CDH18: variants seen among roughly 807,000 people sequenced by gnomAD.
CDH18 encodes cadherin-18.
Under a neutral mutation model 67.9 loss-of-function variants are expected in CDH18, and 31 were observed. That is an observed-to-expected ratio of 0.46 (90% CI 0.34 to 0.62). The LOEUF (loss-of-function observed/expected upper bound fraction) is 0.62, where lower values mean the gene tolerates loss of function less well. Among genes scored for constraint, CDH18 ranks in the 20% least tolerant of loss-of-function variants. The probability of loss-of-function intolerance (pLI) is 0.01; values close to 1 mark genes in which losing one functional copy is unlikely to be tolerated. For synonymous variants in CDH18, 362 were observed against 347.2 expected, an observed-to-expected ratio of 1.04 and a Z score of -0.48; for missense variants, 890 against 975.5, an observed-to-expected ratio of 0.91 and a Z score of 1.17.
intron 2 of CDH18, among the ~76,000 whole-genome samples, chr5:19,915,476 T>C (rs772461217): frequency 5.5e-4 from 83 of 152,238 alleles, no homozygotes; most frequent in Non-Finnish European, 1.1e-3. Flanking sequence ...ATTTAACCAG[T>C]AAAATAAACA....
chr5:20,217,367 A>C (rs1740864406), intron 2 of CDH18, among the ~76,000 whole-genome samples: 1 of 151,926 alleles, frequency 6.6e-6, no homozygotes, highest in East Asian at 1.9e-4. Flanking sequence ...TAAAAGGGAA[A>C]AAGCAGAGGT....
At chr5:19,486,143 G>A (rs1740363257) in intron 11 of CDH18, among the ~76,000 whole-genome samples, 1 of 151,956 alleles carries the variant, frequency 6.6e-6, no homozygotes. Context: ...GAAAGGCTTA[G>A]CACAGCAGAA....
intron 1 of CDH18, among the ~76,000 whole-genome samples, chr5:20,573,875 TATTTA>T (rs1315422180): frequency 4.4e-4 from 9 of 20,276 alleles, no homozygotes; most frequent in Non-Finnish European, 8.2e-4. Context: ...TATATATATG[TATTTA>T]TATATATAAA....
chr5:19,823,153 G>C (rs1444851302), intron 3 of CDH18, among the ~76,000 whole-genome samples: 1 of 152,046 alleles, frequency 6.6e-6, no homozygotes, highest in African/African-American at 2.4e-5. Context: ...TTTTTTCAAG[G>C]TGCCCAGATT....
At chr5:20,382,561 C>T (rs552032847) in intron 1 of CDH18, among the ~76,000 whole-genome samples, 32 of 151,926 alleles carry the variant, frequency 2.1e-4, no homozygotes, top group Non-Finnish European at 3.4e-4. Context: ...ATTGTATGAT[C>T]AATAGGAAGA....
chr5:19,893,501 C>T (rs934161734), intron 2 of CDH18, among the ~76,000 whole-genome samples: 19 of 152,254 alleles, frequency 1.2e-4, no homozygotes, highest in Admixed American at 3.3e-4. Context: ...ACTGACACAG[C>T]TTGATAATGA....
chr5:19,561,998 G>T (rs992038490), intron 8 of CDH18, among the ~76,000 whole-genome samples: 7 of 152,104 alleles, frequency 4.6e-5, no homozygotes, highest in Admixed American at 2.0e-4. Context: ...GCAAGAATTT[G>T]CTTTCTGTCT....
intron 2 of CDH18, among the ~76,000 whole-genome samples, chr5:19,907,330 G>A (rs1790648666): frequency 6.6e-6 from 1 of 151,740 alleles, no homozygotes; most frequent in African/African-American, 2.4e-5. Context: ...TTGGATTTGG[G>A]GTTTTGTTTT....
intron 4 of CDH18, among the ~76,000 whole-genome samples, chr5:19,727,911 C>G (rs889340190): frequency 6.6e-6 from 1 of 152,078 alleles, no homozygotes; most frequent in East Asian, 1.9e-4. Context: ...TTATATTGGG[C>G]ACTTTAATAA....
At chr5:19,725,935 T>C (rs76436733) in intron 4 of CDH18, among the ~76,000 whole-genome samples, 126 of 152,330 alleles carry the variant, frequency 8.3e-4, no homozygotes, top group Non-Finnish European at 1.6e-3. Context: ...TGAAATTAGC[T>C]CTGGCCCTGA....
chr5:19,639,491 C>A (rs1366781409), intron 5 of CDH18, among the ~76,000 whole-genome samples: 2 of 152,150 alleles, frequency 1.3e-5, no homozygotes, highest in African/African-American at 4.8e-5. Flanking sequence ...AAGGGAAGTA[C>A]CCCTGCATCT....
Position 19,904,762 on chromosome 5 carries a change from G to C in CDH18, c.-256-65520C>G, listed in dbSNP as rs574986667. On this transcript the variant is annotated intron_variant, in intron 2 of 12. Coordinates refer to ENST00000382275, the MANE Select transcript of CDH18 (RefSeq NM_004934.5). ...TGTTGATACAGAAGTATTATAATTT[G>C]ATTTTGATCTAGCTTAGCACATGTA... Among the ~76,000 whole-genome samples the C allele has an allele frequency of 3.9e-5, 6 of 152,228 alleles. No individual in the cohort carries two copies. In the South Asian group the frequency reaches 1.2e-3, roughly 32 times the overall value.
At chr5:19,721,803 G>A (rs1766138366) in intron 4 of CDH18, among the ~76,000 whole-genome samples, 1 of 151,986 alleles carries the variant, frequency 6.6e-6, no homozygotes, top group South Asian at 2.1e-4. Context: ...ATATCAAATT[G>A]CTACTAATTT....
At chr5:19,673,840 T>A (rs528852693) in intron 5 of CDH18, among the ~76,000 whole-genome samples, 1 of 152,242 alleles carries the variant, frequency 6.6e-6, no homozygotes, top group African/African-American at 2.4e-5. Context: ...AACTGACTCA[T>A]TGACAGGTTA....
At chr5:19,734,366 T>C (rs1768020164) in intron 4 of CDH18, among the ~76,000 whole-genome samples, 1 of 152,200 alleles carries the variant, frequency 6.6e-6, no homozygotes, top group South Asian at 2.1e-4. Context: ...AAGAGGGGAC[T>C]TGTGATATTT....
In CDH18 at chr5:20,048,038, A is replaced by G. The variant is rs2150484856; in HGVS notation, c.-517-56024T>C. 1.3e-5 allele frequency among the ~76,000 whole-genome samples: 2 copies of G among 151,936 alleles called. 1 individual carries two copies. Among genetic ancestry groups the G allele is most frequent in the Admixed American group, 1.3e-4 (2 of 15,218 alleles). On this transcript the variant is annotated intron_variant, in intron 2 of 14. Transcript: ENST00000507958. ...TAAGGTTTAAAGTTTAGTTATCACT[A>G]TTATTAAAAATAATTCCACATAATT...
chr5:20,180,562 C>T (rs1189602420), intron 2 of CDH18, among the ~76,000 whole-genome samples: 1 of 152,058 alleles, frequency 6.6e-6, no homozygotes, highest in East Asian at 1.9e-4. Context: ...ACAAATGTAC[C>T]GTACTTCTAC....
At chr5:20,033,226 C>A (rs548202126) in intron 2 of CDH18, among the ~76,000 whole-genome samples, 2 of 151,864 alleles carry the variant, frequency 1.3e-5, no homozygotes. Context: ...ATGCTTCCTC[C>A]TTTACAAAAT....
intron 3 of CDH18, among the ~76,000 whole-genome samples, chr5:19,785,669 A>T (rs1775643452): frequency 1.5e-5 from 1 of 66,648 alleles, no homozygotes; most frequent in African/African-American, 6.7e-5. Context: ...AAAAAAAAAA[A>T]AAAAAAAAAA....
Sources: gnomAD v4.1 joint callset for allele counts (sites outside exome capture counted in the v4.1 genomes callset) on GRCh38, gnomAD v4.1.1 for gene constraint, MANE v1.5 for transcripts, NCBI Gene and HGNC (gene_info 2026-07-23, HGNC 2026-07-21) for gene names.